PHF13: variants seen among roughly 807,000 people sequenced by gnomAD.
PHF13 encodes PHD zinc finger protein PHF5.
A neutral mutation model predicts 25.8 loss-of-function variants in PHF13; 1 was observed. That is an observed-to-expected ratio of 0.04 (90% CI 0.01 to 0.18). The LOEUF is 0.18. PHF13 is among the 10% of genes least tolerant of loss of function. The pLI is 1.00. For synonymous variants in PHF13, 195 were observed against 162.4 expected, an observed-to-expected ratio of 1.20 and a Z score of -1.53; for missense variants, 306 against 403.2, an observed-to-expected ratio of 0.76 and a Z score of 2.06.
chr1:6,614,102 G>A lies in PHF13; in HGVS notation c.36G>A (p.Pro12=). ...ACTCTTGCGCCGCCGCCTTCCACCC[G>A]GAGGTGAGTGAAGCTGTGCGTCCGA... ...DSDSCAAAFH[P]EEYSPSCKRR... is the part of the protein sequence containing the mutation. The change falls in exon 1 of 4, where the codon CCG becomes CCA. Residue 12 remains proline (P), a synonymous_variant. Transcript: ENST00000377648. The A allele has an allele frequency of 6.3e-7, 1 of 1,585,806 alleles. No individual in the cohort carries two copies. Among genetic ancestry groups the A allele is most frequent in the Non-Finnish European group, 8.6e-7 (1 of 1,167,970 alleles).
In PHF13 at chr1:6,622,367, C is replaced by T. The variant is rs1048128652; in HGVS notation, c.*730C>T. ...TTCCTGTTTTGCACGATGTAAAAAC[C>T]CTGTCTTTTTGCACGATACAGCCAA... On this transcript the variant is annotated 3_prime_UTR_variant, in exon 4 of 4. Coordinates refer to ENST00000377648, the MANE Select transcript of PHF13 (RefSeq NM_153812.3). 3.9e-5 allele frequency: 6 copies of T among 153,138 alleles called. No individual in the cohort carries two copies. The highest frequency in any genetic ancestry group is 1.5e-4 in the African/African-American group (6 of 41,350). The allele number at this position is 153,138 out of a possible 1,614,324, so 9.5% of individuals were successfully genotyped here. A position where few individuals can be genotyped will look rare whatever the true frequency, so the allele number is the denominator to read the frequency against.
At chr1:6,617,164 G>A (rs1415859195) in intron 2 of PHF13, among the ~76,000 whole-genome samples, 1 of 151,992 alleles carries the variant, frequency 6.6e-6, no homozygotes, top group Non-Finnish European at 1.5e-5. Context: ...GTGCAGTGTC[G>A]TAAAACTCCA....
At chr1:6,617,648 C>G (rs879870737) in intron 2 of PHF13, among the ~76,000 whole-genome samples, 3 of 151,886 alleles carry the variant, frequency 2.0e-5, no homozygotes, top group Non-Finnish European at 4.4e-5. Context: ...AGGCTGGTCT[C>G]GAACTCCTGA....
intron 2 of PHF13, among the ~76,000 whole-genome samples, chr1:6,618,041 TC>T (rs1641286575): frequency 6.6e-6 from 1 of 152,212 alleles, no homozygotes; most frequent in Non-Finnish European, 1.5e-5. Flanking sequence ...GGAGGTTTTT[TC>T]ACTTGCTGAG....
chr1:6,621,349 C>T lies in PHF13; in HGVS notation c.677-62C>T. Reference sequence around the variant, plus strand: ...AGAGTTAATGGGTTTCATGGAAGCCCAGCTGATGGCGAGGAATGATGGGAA... The same window carrying T: ...AGAGTTAATGGGTTTCATGGAAGCCTAGCTGATGGCGAGGAATGATGGGAA... On this transcript the variant is annotated intron_variant, in intron 3 of 3. Coordinates refer to ENST00000377648, the MANE Select transcript of PHF13 (RefSeq NM_153812.3). This position sits in a 1 kb window ranked among gnomAD's most constrained non-coding sequence, Gnocchi z 4.8. 2 of 1,551,034 alleles carry T rather than the reference C, an allele frequency of 1.3e-6. No individual in the cohort carries two copies. Among genetic ancestry groups the T allele is most frequent in the East Asian group, 4.5e-5 (2 of 44,238 alleles).
chr1:6,616,956 G>A, intron 2 of PHF13, 98 bp downstream of exon 2: 1 of 976,618 alleles, frequency 1.0e-6, no homozygotes. Flanking sequence ...AGGGTCAGTA[G>A]GTTTGGAAGG....
rs1314121994 is a variant in PHF13 at position 6,623,584 on chromosome 1, A to T, written c.*1947A>T. 6.6e-6 allele frequency: 1 copy of T among 152,652 alleles called. No homozygotes were observed. Among genetic ancestry groups the T allele is most frequent in the East Asian group, 1.9e-4 (1 of 5,206 alleles). 9.5% of individuals were successfully genotyped at this position (152,652 alleles called of 1,614,324 possible). ...TTAGAATGGAACTGCCGGCCCTGGC[A>T]ACTGTCACGTGTGCTAGAAGGTTCG... On this transcript the variant is annotated 3_prime_UTR_variant, in exon 4 of 4. Coordinates refer to ENST00000377648, the MANE Select transcript of PHF13 (RefSeq NM_153812.3).
At position 6,616,701 on chromosome 1, in the gene PHF13, G is replaced by A. The variant is rs937975167; in HGVS notation, c.40-56G>A. 38 of 1,461,474 alleles carry A rather than the reference G, an allele frequency of 2.6e-5. No individual in the cohort carries two copies. The East Asian group carries it at 5.9e-4, about 23-fold the overall frequency. The allele number at this position is 1,461,474 out of a possible 1,614,324, so 90.5% of individuals were successfully genotyped here. A position where few individuals can be genotyped will look rare whatever the true frequency, so the allele number is the denominator to read the frequency against. On this transcript the variant is annotated intron_variant, in intron 1 of 3. Coordinates refer to ENST00000377648, the MANE Select transcript of PHF13 (RefSeq NM_153812.3). Reference sequence around the variant, plus strand: ...CCAGCTTACTTCCTTTTGTTTCTGTGATTCCGCCTGGAAGCCTCTCCTTCA... The same window carrying A: ...CCAGCTTACTTCCTTTTGTTTCTGTAATTCCGCCTGGAAGCCTCTCCTTCA...
chr1:6,616,659 G>T (rs1641265594), intron 1 of PHF13, 98 bp from the exon 2 acceptor site: 1 of 970,722 alleles, frequency 1.0e-6, no homozygotes, highest in Non-Finnish European at 1.7e-6. Context: ...TTTTTTGAGT[G>T]ATTGACTACA....
intron 1 of PHF13, 119 bp from the exon 2 acceptor site, chr1:6,616,638 A>G (rs1191739932): frequency 2.5e-6 from 2 of 802,148 alleles, no homozygotes; most frequent in Non-Finnish European, 2.2e-6. Context: ...GACTGTGTAA[A>G]TCTAACGGTA....
intron 1 of PHF13, 83 bp from the exon 2 acceptor site, chr1:6,616,674 T>G: frequency 8.5e-7 from 1 of 1,174,700 alleles, no homozygotes. Flanking sequence ...ACTACAAAAG[T>G]TCCAGCTTAC....
At chr1:6,614,318 C>G in intron 1 of PHF13, 1 of 529,978 alleles carries the variant, frequency 1.9e-6, no homozygotes, top group East Asian at 3.5e-5. Context: ...CCTCCGCGGA[C>G]CTCCGCGTCC....
In PHF13 at chr1:6,621,682, C is replaced by A; in HGVS notation, c.*45C>A. On this transcript the variant is annotated 3_prime_UTR_variant, in exon 4 of 4. Transcript: ENST00000377648. This position sits in a 1 kb window ranked among gnomAD's most constrained non-coding sequence, Gnocchi z 4.8. ...CTGCGAGCGTGGAATCGGAAGCGAC[C>A]GCGGGCTTTTTTGCCCTTCTCTTAG... The A allele has an allele frequency of 1.3e-6, 2 of 1,594,428 alleles. No homozygotes were observed. The highest frequency in any genetic ancestry group is 1.7e-6 in the Non-Finnish European group (2 of 1,164,340).
In PHF13 at chr1:6,613,765, T is replaced by TCAGGTCGGGGAG; in HGVS notation, c.-300_-289dup. 5.8e-6 allele frequency: 1 copy of TCAGGTCGGGGAG among 173,720 alleles called. No individual in the cohort carries two copies. Among genetic ancestry groups the TCAGGTCGGGGAG allele is most frequent in the East Asian group, 2.8e-4 (1 of 3,566 alleles). The allele number at this position is 173,720 out of a possible 1,614,324, so 10.8% of individuals were successfully genotyped here. A position where few individuals can be genotyped will look rare whatever the true frequency, so the allele number is the denominator to read the frequency against. ...CCCGAGACACGAGCCGAACTGGGCG[T>TCAGGTCGGGGAG]CAGGTCGGGGAGCCGGTCGGGTTCC... On this transcript the variant is annotated 5_prime_UTR_variant, in exon 1 of 4. Transcript: ENST00000377648.
intron 1 of PHF13, among the ~76,000 whole-genome samples, chr1:6,615,632 G>A (rs1008220535): frequency 7.9e-5 from 12 of 152,170 alleles, no homozygotes; most frequent in Non-Finnish European, 1.3e-4. Context: ...GTCGGACAAG[G>A]CACTGAAAGG....
chr1:6,615,980 A>G (rs12725767), intron 1 of PHF13, among the ~76,000 whole-genome samples: 48,222 of 148,848 alleles, frequency 0.32, 7,879 homozygotes, highest in Middle Eastern at 0.37. Context: ...CCAGGAGTGA[A>G]CTCCAGGGTC....
chr1:6,613,885 C>T lies in PHF13; in HGVS notation c.-182C>T, dbSNP rs984744949. 3.8e-6 allele frequency: 2 copies of T among 519,856 alleles called. No individual in the cohort carries two copies. The highest frequency in any genetic ancestry group is 5.0e-4 in the Middle Eastern group (1 of 1,988). 32.2% of individuals were successfully genotyped at this position (519,856 alleles called of 1,614,324 possible). On this transcript the variant is annotated 5_prime_UTR_variant, in exon 1 of 4. Coordinates refer to ENST00000377648, the MANE Select transcript of PHF13 (RefSeq NM_153812.3). ...CCACTCCGGTCGGCGGTGGAACCGC[C>T]AGTCCGGGGTCACAGAGCTTGAGAA...
chr1:6,618,834 AG>A (rs1641299272), intron 2 of PHF13, among the ~76,000 whole-genome samples: 1 of 151,782 alleles, frequency 6.6e-6, no homozygotes, highest in African/African-American at 2.4e-5. Flanking sequence ...TTTGGTAGAG[AG>A]GGGGTTTCAC....
Position 6,622,947 on chromosome 1 carries a change from C to A in PHF13, c.*1310C>A, listed in dbSNP as rs138309072. 6.6e-6 allele frequency: 1 copy of A among 152,402 alleles called. No individual in the cohort carries two copies. Among genetic ancestry groups the A allele is most frequent in the Non-Finnish European group, 1.5e-5 (1 of 68,052 alleles). The allele number at this position is 152,402 out of a possible 1,614,324, so 9.4% of individuals were successfully genotyped here. A position where few individuals can be genotyped will look rare whatever the true frequency, so the allele number is the denominator to read the frequency against. On this transcript the variant is annotated 3_prime_UTR_variant, in exon 4 of 4. Coordinates refer to ENST00000377648, the MANE Select transcript of PHF13 (RefSeq NM_153812.3). ...GCTCCGGCTTTCTCTGAAATGAACACTGCTCTTCAGCAGTTCAAGTACTTG... is the reference window on the plus strand; with the variant it reads ...GCTCCGGCTTTCTCTGAAATGAACAATGCTCTTCAGCAGTTCAAGTACTTG...
Sources: allele counts gnomAD v4.1 joint callset (sites outside exome capture counted in the v4.1 genomes callset), GRCh38; gene constraint gnomAD v4.1.1; non-coding constraint Gnocchi (gnomAD v3.1); transcripts MANE v1.5; gene names NCBI Gene and HGNC (gene_info 2026-07-23, HGNC 2026-07-21).